The following ERAP1 variants were observed in gnomAD, a reference collection of about 807,000 sequenced individuals.
The protein encoded by ERAP1 is endoplasmic reticulum aminopeptidase 1.
A neutral mutation model predicts 103.7 loss-of-function variants in ERAP1; 86 were observed. The observed-to-expected ratio is 0.83, with a 90% confidence interval of 0.70 to 0.99. The LOEUF is 0.99. Ranked by LOEUF, ERAP1 falls within the 50% of genes least tolerant of loss-of-function variation. The probability of loss-of-function intolerance (pLI) is 0.00; values close to 1 mark genes in which losing one functional copy is unlikely to be tolerated. For synonymous variants in ERAP1, 398 were observed against 402.4 expected (o/e 0.99, Z 0.13); for missense variants, 1,009 against 1,128.4 (o/e 0.89, Z 1.52).
chr5:96,879,022 T>C, the ERAP1 span, among the ~76,000 whole-genome samples: 4 of 151,944 alleles, frequency 2.6e-5, no homozygotes, highest in African/African-American at 7.3e-5. Context: ...AGTTTAGGAG[T>C]TTGAGACCAG....
At chr5:96,890,969 C>A in the ERAP1 span, among the ~76,000 whole-genome samples, 2 of 152,248 alleles carry the variant, frequency 1.3e-5, no homozygotes, top group Non-Finnish European at 2.9e-5. Context: ...AAGAAGCATG[C>A]AGCTTAGGAA....
At chr5:96,809,876 T>TTTTTTG (rs1216368158), upstream of ERAP1, among the ~76,000 whole-genome samples, 3 of 152,172 alleles carry the variant, frequency 2.0e-5, no homozygotes, top group Non-Finnish European at 4.4e-5. Flanking sequence ...CTAGTAAAGT[T>TTTTTTG]TTTTTGTTTT....
chr5:96,765,062 T>A (rs1002076109), intron 19 of ERAP1, among the ~76,000 whole-genome samples: 4 of 152,126 alleles, frequency 2.6e-5, no homozygotes, highest in Non-Finnish European at 5.9e-5. Context: ...ATTCCTAGGC[T>A]TCTCTTCTCT....
intron 5 of ERAP1, 117 bp downstream of exon 5, chr5:96,794,924 TG>T: frequency 1.6e-6 from 2 of 1,228,018 alleles, no homozygotes; most frequent in Non-Finnish European, 2.3e-6. Flanking sequence ...TGTCACTTGC[TG>T]GGGTTTTTGT....
chr5:96,874,828 A>G, the ERAP1 span, among the ~76,000 whole-genome samples: 1 of 152,278 alleles, frequency 6.6e-6, no homozygotes, highest in Non-Finnish European at 1.5e-5. Context: ...ACAGCAGGAC[A>G]AGGCACATGA....
the ERAP1 span, chr5:96,892,548 T>C: frequency 2.1e-6 from 3 of 1,447,880 alleles, no homozygotes; most frequent in African/African-American, 4.2e-5. Flanking sequence ...ATCATCTCAT[T>C]TACCTCTAGA....
chr5:96,810,512 T>G (rs1164818235), upstream of ERAP1, among the ~76,000 whole-genome samples: 5 of 152,072 alleles, frequency 3.3e-5, no homozygotes, highest in Admixed American at 6.5e-5. Flanking sequence ...TTGCTCAGAG[T>G]CAAAGAGAAA....
the ERAP1 span, chr5:96,934,689 T>C: frequency 6.6e-6 from 1 of 152,288 alleles, no homozygotes; most frequent in Admixed American, 6.5e-5. Flanking sequence ...ATTCCAGTGC[T>C]GGTCAAACAA....
At chr5:96,860,825 C>T in the ERAP1 span, among the ~76,000 whole-genome samples, 1 of 152,188 alleles carries the variant, frequency 6.6e-6, no homozygotes, top group Non-Finnish European at 1.5e-5. Context: ...AGAAATCAGA[C>T]TCAAATTTCC....
the ERAP1 span, chr5:96,909,654 G>C: frequency 2.5e-6 from 4 of 1,614,192 alleles, no homozygotes; most frequent in Non-Finnish European, 3.4e-6. Context: ...TCTGGGACAG[G>C]ATGCTCCGCT....
chr5:96,800,760 A>G (rs1777897129), intron 3 of ERAP1, 102 bp downstream of exon 3: 1 of 1,289,062 alleles, frequency 7.8e-7, no homozygotes, highest in African/African-American at 1.5e-5. Flanking sequence ...GCCAGGCAAT[A>G]AAACAAAACA....
the ERAP1 span, among the ~76,000 whole-genome samples, chr5:96,928,605 G>C: frequency 6.6e-6 from 1 of 152,096 alleles, no homozygotes; most frequent in African/African-American, 2.4e-5. Context: ...CTTGATATTG[G>C]ACTTCTATCT....
chr5:96,851,548 G>C, the ERAP1 span, among the ~76,000 whole-genome samples: 1 of 152,142 alleles, frequency 6.6e-6, no homozygotes. Flanking sequence ...GCTATTCTCT[G>C]GTTTCTTTCT....
At chr5:96,829,949 T>C in the ERAP1 span, among the ~76,000 whole-genome samples, 1 of 152,280 alleles carries the variant, frequency 6.6e-6, no homozygotes, top group South Asian at 2.1e-4. Context: ...TTGAACCAAC[T>C]TTCCCTCTGA....
chr5:96,932,879 A>G, the ERAP1 span, among the ~76,000 whole-genome samples: 1 of 152,322 alleles, frequency 6.6e-6, no homozygotes, highest in Non-Finnish European at 1.5e-5. Context: ...GTAGAGAGCA[A>G]TGATTCCGAA....
chr5:96,873,848 AAAAC>A, the ERAP1 span, among the ~76,000 whole-genome samples: 2 of 152,154 alleles, frequency 1.3e-5, no homozygotes, highest in Non-Finnish European at 1.5e-5. Flanking sequence ...AGGAGACAAG[AAAAC>A]AAACAAACAA....
the ERAP1 span, among the ~76,000 whole-genome samples, chr5:96,911,572 C>T: frequency 5.2e-3 from 786 of 152,084 alleles, 3 homozygotes; most frequent in Non-Finnish European, 8.4e-3. Context: ...TCAGATGACT[C>T]CCAGACAGGC....
the ERAP1 span, chr5:96,880,187 T>G: frequency 1.9e-6 from 3 of 1,614,104 alleles, no homozygotes; most frequent in South Asian, 2.2e-5. Flanking sequence ...GGCTATGGAC[T>G]TCCAAGCCAA....
the ERAP1 span, among the ~76,000 whole-genome samples, chr5:96,842,998 T>G: frequency 1.3e-5 from 2 of 152,172 alleles, no homozygotes; most frequent in Non-Finnish European, 2.9e-5. Flanking sequence ...TCTTCTACAT[T>G]CCTTAATTGA....
Sources: gnomAD v4.1 joint callset for allele counts (sites outside exome capture counted in the v4.1 genomes callset) on GRCh38, gnomAD v4.1.1 for gene constraint, MANE v1.5 for transcripts, NCBI Gene and HGNC (gene_info 2026-07-23, HGNC 2026-07-21) for gene names.